The following XYLT1 variants were observed in gnomAD, a reference collection of about 807,000 sequenced individuals.
XYLT1 encodes the protein xylosyltransferase 1.
XYLT1 carries 36 observed loss-of-function variants against 91.3 expected under a neutral mutation model. The observed-to-expected ratio is 0.39, with a 90% CI of 0.30 to 0.52. XYLT1 has a LOEUF of 0.52. XYLT1 is among the 20% of genes least tolerant of loss of function. The probability of loss-of-function intolerance (pLI) is 0.68; values close to 1 mark genes in which losing one functional copy is unlikely to be tolerated. For synonymous variants in XYLT1, 588 were observed against 532.0 expected (o/e 1.11, Z -1.45); for missense variants, 1,242 against 1,284.5 (o/e 0.97, Z 0.51).
intron 1 of XYLT1, among the ~76,000 whole-genome samples, chr16:17,397,754 C>A (rs2035906043): frequency 6.6e-6 from 1 of 152,060 alleles, no homozygotes; most frequent in African/African-American, 2.4e-5. Flanking sequence ...CTCACTGTCC[C>A]TCTTCAGACA....
In XYLT1 at chr16:17,161,430, C is replaced by A. The variant is rs1382500807; in HGVS notation, c.1290-2521G>T. Among the ~76,000 whole-genome samples, 3 of 152,062 alleles carry A rather than the reference C, an allele frequency of 2.0e-5. No homozygotes were observed. The East Asian group carries it at 5.8e-4, about 30-fold the overall frequency. ...TCTGGAAGGGTGGGGCGGGGGGACC[C>A]CTGCCTACCCCCCTTGCTAGGGTCT... On this transcript the variant is annotated intron_variant, in intron 5 of 11. Transcript: ENST00000261381.
chr16:17,272,706 C>T (rs901715502), intron 2 of XYLT1, among the ~76,000 whole-genome samples: 1 of 152,172 alleles, frequency 6.6e-6, no homozygotes, highest in Non-Finnish European at 1.5e-5. Flanking sequence ...GTAGCGGTCC[C>T]ATGGTCTCCA....
At chr16:17,413,792 C>A (rs991710704) in intron 1 of XYLT1, among the ~76,000 whole-genome samples, 4 of 152,024 alleles carry the variant, frequency 2.6e-5, no homozygotes, top group African/African-American at 4.8e-5. Flanking sequence ...AGTTCTAGCC[C>A]GTTCTTAGAG....
chr16:17,209,257 T>A (rs1377036970), intron 3 of XYLT1, among the ~76,000 whole-genome samples: 1 of 152,222 alleles, frequency 6.6e-6, no homozygotes, highest in Non-Finnish European at 1.5e-5. Flanking sequence ...CAGACATTAT[T>A]CTTCCTTTTG....
intron 11 of XYLT1, among the ~76,000 whole-genome samples, chr16:17,112,007 A>G (rs1966842283): frequency 6.6e-6 from 1 of 152,160 alleles, no homozygotes; most frequent in Non-Finnish European, 1.5e-5. Flanking sequence ...TCTATTCTGC[A>G]GAGTGAGAAA....
At chr16:17,178,887 T>C (rs930498710) in intron 5 of XYLT1, among the ~76,000 whole-genome samples, 1 of 152,052 alleles carries the variant, frequency 6.6e-6, no homozygotes, top group South Asian at 2.1e-4. Flanking sequence ...CTGGGCAACA[T>C]GGCAAAACCC....
intron 2 of XYLT1, among the ~76,000 whole-genome samples, chr16:17,270,777 C>T (rs549935611): frequency 6.6e-6 from 1 of 152,344 alleles, no homozygotes; most frequent in South Asian, 2.1e-4. Context: ...TTCCAGGACA[C>T]AGCCATGCCC....
intron 5 of XYLT1, among the ~76,000 whole-genome samples, chr16:17,172,473 T>C (rs1230873104): frequency 2.4e-4 from 35 of 145,532 alleles, no homozygotes; most frequent in African/African-American, 7.8e-4. Flanking sequence ...TTTCTTTTTT[T>C]TTTTTTTTTT....
At chr16:17,309,986 C>A (rs770860018) in intron 2 of XYLT1, among the ~76,000 whole-genome samples, 2 of 152,158 alleles carry the variant, frequency 1.3e-5, no homozygotes, top group African/African-American at 2.4e-5. Context: ...TCAAAGGCAG[C>A]TCAATTTGGA....
At chr16:17,405,251 G>A (rs925694570) in intron 1 of XYLT1, among the ~76,000 whole-genome samples, 5 of 152,158 alleles carry the variant, frequency 3.3e-5, no homozygotes, top group African/African-American at 7.2e-5. Flanking sequence ...GGGGCCCTGC[G>A]TCCGCTCCAG....
chr16:17,281,349 G>C (rs114653840), intron 2 of XYLT1, among the ~76,000 whole-genome samples: 1 of 152,086 alleles, frequency 6.6e-6, no homozygotes, highest in Admixed American at 6.5e-5. Context: ...GGCCACACCC[G>C]GGGTTGTGAC....
chr16:17,351,145 T>C (rs1228532402), intron 2 of XYLT1, among the ~76,000 whole-genome samples: 1 of 152,218 alleles, frequency 6.6e-6, no homozygotes, highest in African/African-American at 2.4e-5. Context: ...AAACACATGA[T>C]GTACATGTTC....
chr16:17,208,073 A>G (rs1418936556), intron 3 of XYLT1, among the ~76,000 whole-genome samples: 1 of 151,954 alleles, frequency 6.6e-6, no homozygotes, highest in Non-Finnish European at 1.5e-5. Flanking sequence ...TGCCACCTCA[A>G]ATTTCTGGGC....
chr16:17,395,361 A>G (rs1333762628), intron 1 of XYLT1, among the ~76,000 whole-genome samples: 4 of 152,194 alleles, frequency 2.6e-5, no homozygotes, highest in Admixed American at 2.6e-4. Flanking sequence ...CTTAAATATT[A>G]AAAAATGGAA....
At chr16:17,169,717 C>T (rs1359786448) in intron 5 of XYLT1, among the ~76,000 whole-genome samples, 1 of 152,136 alleles carries the variant, frequency 6.6e-6, no homozygotes, top group African/African-American at 2.4e-5. Flanking sequence ...TATATGAAGT[C>T]TATTTAACTG....
chr16:17,222,889 G>T (rs1052016213), intron 3 of XYLT1, among the ~76,000 whole-genome samples: 1 of 151,388 alleles, frequency 6.6e-6, no homozygotes, highest in Admixed American at 6.6e-5. Context: ...CAACTGTGAC[G>T]GCCGCTCTTC....
At chr16:17,286,245 A>G (rs553730009) in intron 2 of XYLT1, among the ~76,000 whole-genome samples, 112 of 152,216 alleles carry the variant, frequency 7.4e-4, no homozygotes, top group African/African-American at 2.1e-3. Context: ...TCTCCACCAC[A>G]CTTACTTGAA....
intron 10 of XYLT1, among the ~76,000 whole-genome samples, chr16:17,118,375 A>G (rs2029928541): frequency 6.6e-6 from 1 of 152,188 alleles, no homozygotes; most frequent in African/African-American, 2.4e-5. Flanking sequence ...GCGGGTTTCC[A>G]ATTCCATCCT....
At chr16:17,232,429 G>GTGTGTGTATATA (rs1194509016) in intron 3 of XYLT1, among the ~76,000 whole-genome samples, 10 of 121,734 alleles carry the variant, frequency 8.2e-5, no homozygotes, top group Non-Finnish European at 1.7e-4. Context: ...GTGTGTGTGT[G>GTGTGTGTATATA]TATATATATA....
Sources: gnomAD v4.1 joint callset for allele counts (sites outside exome capture counted in the v4.1 genomes callset) on GRCh38, gnomAD v4.1.1 for gene constraint, MANE v1.5 for transcripts, NCBI Gene and HGNC (gene_info 2026-07-23, HGNC 2026-07-21) for gene names.